EZH1: variants seen among roughly 807,000 people sequenced by gnomAD.
The protein encoded by EZH1 is enhancer of zeste 1 polycomb repressive complex 2 subunit, also known as histone-lysine N-methyltransferase EZH1.
A neutral mutation model predicts 100.5 loss-of-function variants in EZH1; 33 were observed. The observed-to-expected ratio is 0.33, with a 90% CI of 0.25 to 0.44. EZH1 has a LOEUF of 0.44. EZH1 is among the 20% of genes least tolerant of loss of function. EZH1 has a pLI of 1.00. For synonymous variants in EZH1, 272 were observed against 313.8 expected, an observed-to-expected ratio of 0.87 and a Z score of 1.41; for missense variants, 475 against 928.4, an observed-to-expected ratio of 0.51 and a Z score of 6.35.
At position 42,708,103 on chromosome 17, in the gene EZH1, A is replaced by G. The variant is rs200279579; in HGVS notation, c.1535-20T>C. On this transcript the variant is annotated intron_variant, in intron 14 of 20. Coordinates refer to ENST00000428826, the MANE Select transcript of EZH1 (RefSeq NM_001991.5). ...AGTTATCTAGGAAAGAAAACAGAGG[A>G]GGATGCTGCTGTGACCATACTCTCC... is the stretch of plus-strand genomic sequence containing the variant. The G allele has an allele frequency of 9.6e-5, 152 of 1,585,500 alleles. No homozygotes were observed. The highest frequency in any genetic ancestry group is 1.4e-4 in the South Asian group (12 of 87,490).
chr17:42,708,827 G>A, intron 14 of EZH1, 49 bp downstream of exon 14: 1 of 1,603,210 alleles, frequency 6.2e-7, no homozygotes, highest in Non-Finnish European at 8.5e-7. Context: ...GATGACCACA[G>A]AGTGAGGCCT....
chr17:42,713,050 A>AAG (rs1555647511), intron 11 of EZH1, among the ~76,000 whole-genome samples, 159 bp downstream of exon 11: 1 of 151,426 alleles, frequency 6.6e-6, no homozygotes, highest in Non-Finnish European at 1.5e-5. Flanking sequence ...AAAAAAAAAA[A>AAG]AAAAAAAAGA....
chr17:42,711,379 A>G (rs2053478352), intron 12 of EZH1, among the ~76,000 whole-genome samples: 1 of 152,202 alleles, frequency 6.6e-6, no homozygotes, highest in Non-Finnish European at 1.5e-5. Flanking sequence ...AGGCTGTGGC[A>G]GAAGAATCAC....
intron 12 of EZH1, among the ~76,000 whole-genome samples, chr17:42,710,161 G>A (rs572594793): frequency 2.0e-5 from 3 of 152,300 alleles, no homozygotes; most frequent in African/African-American, 2.4e-5. Context: ...ACTGAGCACA[G>A]TAATACCGCC....
intron 1 of EZH1, among the ~76,000 whole-genome samples, chr17:42,743,204 T>C: frequency 7.3e-6 from 1 of 137,124 alleles, no homozygotes; most frequent in Admixed American, 7.6e-5. Context: ...AGAATCTCAC[T>C]CTGTTGCCCA....
Position 42,718,343 on chromosome 17 carries a change from A to C in EZH1, c.931+111T>G. 7.1e-7 allele frequency: 1 copy of C among 1,404,092 alleles called. No homozygotes were observed. The highest frequency in any genetic ancestry group is 9.6e-7 in the Non-Finnish European group (1 of 1,039,472). The allele number at this position is 1,404,092 out of a possible 1,614,324, so 87.0% of individuals were successfully genotyped here. A position where few individuals can be genotyped will look rare whatever the true frequency, so the allele number is the denominator to read the frequency against. On this transcript the variant is annotated intron_variant, in intron 9 of 20. Coordinates refer to ENST00000428826, the MANE Select transcript of EZH1 (RefSeq NM_001991.5). The surrounding 1 kb of genome is among the most constrained non-coding windows in gnomAD (Gnocchi z 4.2). ...GAAAATAGAACTGGCCCTTTGTAAA[A>C]CGTTAGAACAGAAGCCAGGAACTCT...
At position 42,702,927 on chromosome 17, in the gene EZH1, G is replaced by A; in HGVS notation, c.2133C>T (p.Ile711=). The change falls in exon 20 of 21, where the codon ATC becomes ATT. Residue 711 remains isoleucine (I), a synonymous_variant. Coordinates refer to ENST00000428826, the MANE Select transcript of EZH1 (RefSeq NM_001991.5). The stretch of plus-strand genomic sequence containing the variant: ...CAGCTTGAATTGCCCTCTTGGCAAA[G>A]ATCCCAATCCGATGGTCTCCATTCA... The part of the protein sequence containing the change: ...VMVNGDHRIG[I]FAKRAIQAGE... 1 of 1,614,058 alleles carries A rather than the reference G, an allele frequency of 6.2e-7. No individual in the cohort carries two copies. Among genetic ancestry groups the A allele is most frequent in the African/African-American group, 1.3e-5 (1 of 75,034 alleles).
intron 1 of EZH1, among the ~76,000 whole-genome samples, chr17:42,736,454 G>C (rs1195616560): frequency 6.6e-6 from 1 of 152,158 alleles, no homozygotes; most frequent in African/African-American, 2.4e-5. Context: ...AGTGTGTATA[G>C]ATATATACAC....
At position 42,742,870 on chromosome 17, in the gene EZH1, C is replaced by T. The variant is rs149925217; in HGVS notation, c.-103+2141G>A. On this transcript the variant is annotated intron_variant, in intron 1 of 20. Transcript: ENST00000428826. The stretch of plus-strand genomic sequence containing the variant: ...GTGCGTTTTTAAGTACTTCTCTCTC[C>T]CTTTTTTTTTTCTTTTTTGAGATGG... Among the ~76,000 whole-genome samples, 1,468 of 152,034 alleles carry T rather than the reference C, an allele frequency of 9.7e-3. 24 individuals carry two copies. The highest frequency in any genetic ancestry group is 0.034 in the African/African-American group (1,413 of 41,458).
chr17:42,712,808 C>A (rs1325342358), intron 11 of EZH1, among the ~76,000 whole-genome samples: 1 of 152,010 alleles, frequency 6.6e-6, no homozygotes. Flanking sequence ...GACGCCGAGG[C>A]AGGCGGATCA....
At position 42,718,254 on chromosome 17, in the gene EZH1, C is replaced by A; in HGVS notation, c.932-187G>T. The A allele has an allele frequency of 1.2e-6, 1 of 838,296 alleles. No individual in the cohort carries two copies. The allele number at this position is 838,296 out of a possible 1,614,324, so 51.9% of individuals were successfully genotyped here. A position where few individuals can be genotyped will look rare whatever the true frequency, so the allele number is the denominator to read the frequency against. ...TTCAAAGCTAAGAGGTACTGAGGGA[C>A]AGATAAGTTGCTAGTTAGTCTGTCC... On this transcript the variant is annotated intron_variant, in intron 9 of 20. Transcript: ENST00000428826. This position sits in a 1 kb window ranked among gnomAD's most constrained non-coding sequence, Gnocchi z 4.2.
intron 1 of EZH1, among the ~76,000 whole-genome samples, chr17:42,740,521 C>T (rs967051515): frequency 1.3e-5 from 2 of 152,176 alleles, no homozygotes; most frequent in Non-Finnish European, 2.9e-5. Flanking sequence ...CAGGCGTGAG[C>T]CACTACGCCC....
rs192344215 is a variant in EZH1, at chr17:42,739,210, T to G, written c.-103+5801A>C. On this transcript the variant is annotated intron_variant, in intron 1 of 20. Coordinates refer to ENST00000428826, the MANE Select transcript of EZH1 (RefSeq NM_001991.5). ...ATCACCAATTTCATCAACATTTCAA[T>G]TAAAATCAATTCTGTGACTAGGTAC... Among the ~76,000 whole-genome samples, 56 of 152,270 alleles carry G rather than the reference T, an allele frequency of 3.7e-4. No individual in the cohort carries two copies. In the South Asian group the frequency reaches 4.8e-3, roughly 13 times the overall value.
intron 1 of EZH1, among the ~76,000 whole-genome samples, chr17:42,738,906 C>T (rs114721573): frequency 2.0e-5 from 3 of 151,630 alleles, no homozygotes; most frequent in Admixed American, 6.6e-5. Context: ...GGACTATGCT[C>T]GCCACCAAGC....
intron 4 of EZH1, among the ~76,000 whole-genome samples, chr17:42,725,251 C>A (rs954360462): frequency 2.0e-5 from 3 of 151,836 alleles, no homozygotes; most frequent in Non-Finnish European, 4.4e-5. Context: ...CCCTAGACTG[C>A]AAACTTGTGG....
At chr17:42,742,447 G>A (rs1243966498) in intron 1 of EZH1, among the ~76,000 whole-genome samples, 2 of 152,080 alleles carry the variant, frequency 1.3e-5, no homozygotes, top group African/African-American at 4.8e-5. Flanking sequence ...CCAGCCTCTA[G>A]TGCTGTTTCA....
rs1567994298 is a variant in EZH1 at position 42,719,251 on chromosome 17, A to G, written c.665-44T>C. 2.9e-6 allele frequency: 4 copies of G among 1,394,574 alleles called. No individual in the cohort carries two copies. The Admixed American group carries it at 5.1e-5, about 18-fold the overall frequency. 86.4% of individuals were successfully genotyped at this position (1,394,574 alleles called of 1,614,324 possible). A position where few individuals can be genotyped will look rare whatever the true frequency, so the allele number is the denominator to read the frequency against. The stretch of plus-strand genomic sequence containing the variant: ...AAAGCTCCTGAGTGCGATTATCAGA[A>G]CACGTAAACAAATCTGTGTGATCTT... On this transcript the variant is annotated intron_variant, in intron 7 of 20. Coordinates refer to ENST00000428826, the MANE Select transcript of EZH1 (RefSeq NM_001991.5).
At chr17:42,732,637 G>C (rs1467423154) in intron 1 of EZH1, among the ~76,000 whole-genome samples, 3 of 152,044 alleles carry the variant, frequency 2.0e-5, no homozygotes, top group African/African-American at 7.2e-5. Flanking sequence ...GCGAGGTGGC[G>C]GGCGCCTGTA....
intron 19 of EZH1, chr17:42,703,444 C>T: frequency 2.8e-6 from 1 of 363,600 alleles, no homozygotes; most frequent in South Asian, 2.8e-5. Context: ...TCCCAAAGTG[C>T]TGGGATTACA....
Sources: allele counts gnomAD v4.1 joint callset (sites outside exome capture counted in the v4.1 genomes callset), GRCh38; gene constraint gnomAD v4.1.1; non-coding constraint Gnocchi (gnomAD v3.1); transcripts MANE v1.5; gene names NCBI Gene and HGNC (gene_info 2026-07-23, HGNC 2026-07-21).